Variants in XXYLT1 observed in about 807,000 individuals in gnomAD.
The protein encoded by XXYLT1 is xyloside xylosyltransferase 1, also known as UDP-xylose:alpha-xyloside alpha-1,3-xylosyltransferase.
Under a neutral mutation model 28.9 loss-of-function variants are expected in XXYLT1, and 20 were observed. That is an observed-to-expected ratio of 0.69 (90% CI 0.49 to 1.00). XXYLT1 has a LOEUF of 1.00. XXYLT1 is among the 50% of genes least tolerant of loss of function. The pLI, the probability that XXYLT1 is intolerant of heterozygous loss-of-function variation, is 0.00. For missense variants in XXYLT1, 542 were observed against 560.1 expected, an observed-to-expected ratio of 0.97 and a Z score of 0.33; for synonymous variants, 257 against 253.8, an observed-to-expected ratio of 1.01 and a Z score of -0.12.
chr3:195,259,524 C>T (rs1725604384), intron 1 of XXYLT1: 1 of 980,098 alleles, frequency 1.0e-6, no homozygotes, highest in Admixed American at 6.1e-5. Context: ...GCGGCCCTTC[C>T]AGCAAGCAGG....
chr3:195,069,028 GT>G lies in XXYLT1; in HGVS notation c.*686del, dbSNP rs1714651933. On this transcript the variant is annotated 3_prime_UTR_variant, in exon 4 of 4. Coordinates refer to ENST00000310380, the MANE Select transcript of XXYLT1 (RefSeq NM_152531.5). ...GTTTGGTGGAATAAAGGACAATGGG[GT>G]TCTAGGATGTAGCTGGGAGATACAA... The G allele has an allele frequency of 6.6e-6, 1 of 152,192 alleles. No individual in the cohort carries two copies. Among genetic ancestry groups the G allele is most frequent in the Non-Finnish European group, 1.5e-5 (1 of 68,050 alleles). 9.4% of individuals were successfully genotyped at this position (152,192 alleles called of 1,614,324 possible).
chr3:195,129,373 G>A lies in XXYLT1; in HGVS notation c.785+27076C>T, dbSNP rs555923338. On this transcript the variant is annotated intron_variant, in intron 3 of 3. Transcript: ENST00000310380. This position sits in a 1 kb window ranked among gnomAD's most constrained non-coding sequence, Gnocchi z 4.4. ...TAGAATATTTTCATCACCTCAAAAA[G>A]AAATCTCGTACCCTTTAGCTATCGC... is the stretch of plus-strand genomic sequence containing the variant. 4.2e-4 allele frequency among the ~76,000 whole-genome samples: 64 copies of A among 152,276 alleles called. 1 individual carries two copies. In the South Asian group the frequency reaches 0.013, roughly 31 times the overall value.
chr3:195,079,390 T>C (rs1399322217), intron 3 of XXYLT1, among the ~76,000 whole-genome samples: 1 of 152,018 alleles, frequency 6.6e-6, no homozygotes, highest in East Asian at 1.9e-4. Context: ...AAGGGATGCA[T>C]ACATGAGAGA....
At chr3:195,084,581 C>T (rs908297318) in intron 3 of XXYLT1, among the ~76,000 whole-genome samples, 13 of 152,160 alleles carry the variant, frequency 8.5e-5, no homozygotes, top group African/African-American at 2.7e-4. Context: ...CAAAGTAAAC[C>T]GTACTCTTTT....
intron 3 of XXYLT1, among the ~76,000 whole-genome samples, chr3:195,113,255 G>A (rs996724584): frequency 2.0e-5 from 3 of 152,204 alleles, no homozygotes; most frequent in Non-Finnish European, 2.9e-5. Flanking sequence ...GGATGGAAAC[G>A]GAGGTGAACA....
intron 2 of XXYLT1, 88 bp downstream of exon 2, chr3:195,226,621 G>T: frequency 6.6e-7 from 1 of 1,504,718 alleles, no homozygotes; most frequent in Non-Finnish European, 8.9e-7. Flanking sequence ...TATTCTCCCT[G>T]ATACAGGGCC....
rs973452762 is a variant in XXYLT1 at position 195,271,086 on chromosome 3, G to A, written c.-28C>T. 7.9e-5 allele frequency: 103 copies of A among 1,311,244 alleles called. No homozygotes were observed. In the African/African-American group the frequency reaches 1.3e-3, roughly 17 times the overall value. 81.2% of individuals were successfully genotyped at this position (1,311,244 alleles called of 1,614,324 possible). A position where few individuals can be genotyped will look rare whatever the true frequency, so the allele number is the denominator to read the frequency against. The stretch of plus-strand genomic sequence containing the variant: ...GCTACGAGACCGCGGCGCCAGCGGT[G>A]CCAGCAACGCGGGAGAGCCCTCGGG... On this transcript the variant is annotated 5_prime_UTR_variant, in exon 1 of 4. Coordinates refer to ENST00000310380, the MANE Select transcript of XXYLT1 (RefSeq NM_152531.5).
At chr3:195,189,897 G>C (rs1456505830) in intron 2 of XXYLT1, among the ~76,000 whole-genome samples, 1 of 152,120 alleles carries the variant, frequency 6.6e-6, no homozygotes, top group East Asian at 1.9e-4. Flanking sequence ...TCTATACCTA[G>C]ACACAGTATA....
intron 3 of XXYLT1, among the ~76,000 whole-genome samples, chr3:195,147,440 A>G (rs7646496): frequency 0.4 from 60,015 of 151,902 alleles, 13,842 homozygotes; most frequent in East Asian, 0.84. Context: ...CATGGTGGTC[A>G]GCGCCTGTAA....
chr3:195,169,768 GA>G (rs1233038411), intron 2 of XXYLT1, among the ~76,000 whole-genome samples: 8 of 151,630 alleles, frequency 5.3e-5, no homozygotes, highest in Non-Finnish European at 1.0e-4. Flanking sequence ...ATAAATATTT[GA>G]AATTATAACT....
chr3:195,223,954 T>C (rs1049980376), intron 2 of XXYLT1, among the ~76,000 whole-genome samples: 2 of 151,962 alleles, frequency 1.3e-5, no homozygotes, highest in Non-Finnish European at 2.9e-5. Context: ...GTCAGGAGTT[T>C]GAGACCAGCC....
At chr3:195,230,563 A>G (rs1034688504) in intron 1 of XXYLT1, among the ~76,000 whole-genome samples, 4 of 152,042 alleles carry the variant, frequency 2.6e-5, no homozygotes, top group African/African-American at 4.8e-5. Flanking sequence ...TTTATATGGC[A>G]AGAGAGAGAG....
intron 1 of XXYLT1, among the ~76,000 whole-genome samples, chr3:195,244,913 C>CCG (rs1724952592): frequency 6.7e-6 from 1 of 148,986 alleles, no homozygotes; most frequent in Non-Finnish European, 1.5e-5. Flanking sequence ...CGCCTGTGAT[C>CCG]CCAGCACTTT....
intron 1 of XXYLT1, among the ~76,000 whole-genome samples, chr3:195,266,505 A>C (rs2108860137): frequency 6.6e-6 from 1 of 152,262 alleles, no homozygotes; most frequent in South Asian, 2.1e-4. Context: ...AAAAAAAATA[A>C]AAGAAAAAGA....
chr3:195,163,963 G>C (rs1720993288), intron 2 of XXYLT1, among the ~76,000 whole-genome samples: 1 of 152,286 alleles, frequency 6.6e-6, no homozygotes, highest in Non-Finnish European at 1.5e-5. Context: ...CTTCCTGGAA[G>C]TCTTTAACAT....
At chr3:195,171,742 G>A (rs542178295) in intron 2 of XXYLT1, among the ~76,000 whole-genome samples, 129 of 152,318 alleles carry the variant, frequency 8.5e-4, no homozygotes, top group African/African-American at 3.1e-3. Context: ...TCATGGTCTG[G>A]TTCCCAGAAT....
At chr3:195,228,691 T>C (rs548360466) in intron 1 of XXYLT1, among the ~76,000 whole-genome samples, 40 of 149,078 alleles carry the variant, frequency 2.7e-4, no homozygotes, top group African/African-American at 9.1e-4. Context: ...GGTTTCACCA[T>C]GTTAGCCAGG....
chr3:195,192,556 A>G (rs1278393655), intron 2 of XXYLT1, among the ~76,000 whole-genome samples: 1 of 152,258 alleles, frequency 6.6e-6, no homozygotes, highest in Non-Finnish European at 1.5e-5. Flanking sequence ...CTATCTATCA[A>G]TACAAAAAGA....
Position 195,257,864 on chromosome 3 carries a change from C to T in XXYLT1, c.504+12691G>A, listed in dbSNP as rs992309784. On this transcript the variant is annotated intron_variant, in intron 1 of 3. Coordinates refer to ENST00000310380, the MANE Select transcript of XXYLT1 (RefSeq NM_152531.5). The surrounding 1 kb of genome is among the most constrained non-coding windows in gnomAD (Gnocchi z 4.3). The stretch of plus-strand genomic sequence containing the variant: ...AGGTGGGCAGGTCACATGCTACCCA[C>T]GTATCATGGGTGTATATCCTCCAAG... Among the ~76,000 whole-genome samples, 6 of 152,096 alleles carry T rather than the reference C, an allele frequency of 3.9e-5. No homozygotes were observed. The highest frequency in any genetic ancestry group is 4.4e-5 in the Non-Finnish European group (3 of 68,008).
Sources: allele counts gnomAD v4.1 joint callset (sites outside exome capture counted in the v4.1 genomes callset), GRCh38; gene constraint gnomAD v4.1.1; non-coding constraint Gnocchi (gnomAD v3.1); transcripts MANE v1.5; gene names NCBI Gene and HGNC (gene_info 2026-07-23, HGNC 2026-07-21).